UST: variants seen among roughly 807,000 people sequenced by gnomAD.
UST encodes the protein chondroitin sulfate 2-O-sulfotransferase.
Under a neutral mutation model 45.6 loss-of-function variants are expected in UST, and 21 were observed. The observed-to-expected ratio is 0.46, with a 90% CI of 0.33 to 0.66. UST has a LOEUF of 0.66. Ranked by LOEUF, UST falls within the 30% of genes least tolerant of loss-of-function variation. The pLI is 0.02. For missense variants in UST, 463 were observed against 512.4 expected (o/e 0.90, Z 0.93); for synonymous variants, 215 against 200.6 (o/e 1.07, Z -0.61).
chr6:148,913,956 A>C (rs903297972), intron 2 of UST, among the ~76,000 whole-genome samples: 11 of 152,166 alleles, frequency 7.2e-5, no homozygotes, highest in African/African-American at 2.7e-4. Context: ...CATATGTTGA[A>C]GTCTAATCCC....
At chr6:148,821,275 T>G (rs1777461295) in intron 1 of UST, among the ~76,000 whole-genome samples, 1 of 148,504 alleles carries the variant, frequency 6.7e-6, no homozygotes, top group South Asian at 2.1e-4. Flanking sequence ...CTGGCTGTAT[T>G]TTTTTTTTTA....
intron 1 of UST, among the ~76,000 whole-genome samples, chr6:148,831,391 G>A (rs1777684812): frequency 6.6e-6 from 1 of 152,294 alleles, no homozygotes; most frequent in South Asian, 2.1e-4. Context: ...ATTATTATAG[G>A]AAATTCGCCT....
chr6:148,928,741 A>G (rs192461531), intron 2 of UST, among the ~76,000 whole-genome samples: 1 of 152,358 alleles, frequency 6.6e-6, no homozygotes, highest in East Asian at 1.9e-4. Flanking sequence ...AGCCCCCAAC[A>G]TGTAGGCAGT....
rs147989152 is a variant in UST, at chr6:148,867,607, C to T, written c.248-19379C>T. On this transcript the variant is annotated intron_variant, in intron 1 of 7. Coordinates refer to ENST00000367463, the MANE Select transcript of UST (RefSeq NM_005715.3). ...TGTTCTCGTGGTAGTGAATAAGTCT[C>T]GTGAGATCTGATGGTTTGATAAGGG... Among the ~76,000 whole-genome samples, 881 of 152,178 alleles carry T rather than the reference C, an allele frequency of 5.8e-3. 6 individuals carry two copies. Among genetic ancestry groups the T allele is most frequent in the Non-Finnish European group, 9.8e-3 (667 of 68,010 alleles).
intron 1 of UST, among the ~76,000 whole-genome samples, chr6:148,776,953 G>T (rs1776546704): frequency 6.6e-6 from 1 of 152,180 alleles, no homozygotes; most frequent in African/African-American, 2.4e-5. Context: ...CCTTGGCCTT[G>T]TCCCTGCTCT....
intron 2 of UST, among the ~76,000 whole-genome samples, chr6:148,893,917 C>A (rs1779069723): frequency 6.6e-6 from 1 of 152,064 alleles, no homozygotes; most frequent in African/African-American, 2.4e-5. Context: ...CTTTTGGAGG[C>A]TGAGGTGGGA....
intron 5 of UST, among the ~76,000 whole-genome samples, chr6:148,970,445 T>C (rs968865102): frequency 3.9e-5 from 6 of 152,084 alleles, no homozygotes; most frequent in African/African-American, 1.4e-4. Flanking sequence ...CCAGAGAGGC[T>C]GAGTGGTGGT....
chr6:149,035,169 G>C (rs960328175), intron 7 of UST, among the ~76,000 whole-genome samples: 23 of 151,846 alleles, frequency 1.5e-4, no homozygotes, highest in Non-Finnish European at 2.5e-4. Context: ...TTTTTTCTCT[G>C]GAAGAGTTCC....
intron 7 of UST, among the ~76,000 whole-genome samples, chr6:149,069,084 T>A (rs894471282): frequency 6.6e-6 from 1 of 152,278 alleles, no homozygotes; most frequent in African/African-American, 2.4e-5. Flanking sequence ...CTTTCTTTTT[T>A]ATGGCCAAAT....
chr6:148,797,696 G>C (rs1020012694), intron 1 of UST, among the ~76,000 whole-genome samples: 2 of 152,172 alleles, frequency 1.3e-5, no homozygotes, highest in African/African-American at 4.8e-5. Context: ...GGTCTTCCCA[G>C]AGGAGGTGAT....
chr6:148,812,968 A>G (rs1188992773), intron 1 of UST, among the ~76,000 whole-genome samples: 1 of 152,208 alleles, frequency 6.6e-6, no homozygotes, highest in Non-Finnish European at 1.5e-5. Context: ...CTTTTAGCAT[A>G]TCCCCCAATG....
chr6:148,964,608 G>C, intron 5 of UST, 45 bp downstream of exon 5: 2 of 1,603,872 alleles, frequency 1.2e-6, no homozygotes, highest in Non-Finnish European at 1.7e-6. Context: ...ACTGCCTGAG[G>C]AGTGGGCCCT....
chr6:148,853,208 G>A (rs1167102980), intron 1 of UST, among the ~76,000 whole-genome samples: 1 of 152,094 alleles, frequency 6.6e-6, no homozygotes, highest in Non-Finnish European at 1.5e-5. Context: ...TGTGGTGTTT[G>A]GTTTTCTGTG....
chr6:148,771,077 G>T (rs1265560815), intron 1 of UST, among the ~76,000 whole-genome samples: 2 of 152,264 alleles, frequency 1.3e-5, no homozygotes, highest in Non-Finnish European at 2.9e-5. Context: ...CAAGCTGATG[G>T]TTTGTTTTTT....
chr6:148,988,632 ACTTT>A (rs1228783891), intron 5 of UST, among the ~76,000 whole-genome samples: 2 of 151,790 alleles, frequency 1.3e-5, no homozygotes, highest in South Asian at 2.1e-4. Flanking sequence ...ACCACAATTA[ACTTT>A]CTTTCTTGTG....
chr6:148,922,626 G>A (rs781288853), intron 2 of UST, among the ~76,000 whole-genome samples: 5 of 114,396 alleles, frequency 4.4e-5, no homozygotes, highest in Non-Finnish European at 8.9e-5. Flanking sequence ...GTACCTAGGA[G>A]TACCTAGGTA....
intron 1 of UST, among the ~76,000 whole-genome samples, chr6:148,783,891 C>T (rs1454329170): frequency 6.6e-6 from 1 of 152,186 alleles, no homozygotes; most frequent in East Asian, 1.9e-4. Context: ...TCCAACCCCG[C>T]ATTTTACAGG....
chr6:148,845,105 G>A (rs892002217), intron 1 of UST, among the ~76,000 whole-genome samples: 1 of 152,196 alleles, frequency 6.6e-6, no homozygotes, highest in Non-Finnish European at 1.5e-5. Flanking sequence ...AAGAGTGCAT[G>A]TGTCTTTTTT....
Position 148,904,627 on chromosome 6 carries a change from G to T in UST, c.291+17598G>T, listed in dbSNP as rs561102050. On this transcript the variant is annotated intron_variant, in intron 2 of 7. Coordinates refer to ENST00000367463, the MANE Select transcript of UST (RefSeq NM_005715.3). ...CAGCCTCCACCTACCAGGTTCAAGC[G>T]ATTCTCCTGCCTCAGCCTCCTGGGT... Among the ~76,000 whole-genome samples, 434 of 152,096 alleles carry T rather than the reference G, an allele frequency of 2.9e-3. 4 individuals carry two copies. The highest frequency in any genetic ancestry group is 9.7e-3 in the African/African-American group (403 of 41,492).
Sources: allele counts gnomAD v4.1 joint callset (sites outside exome capture counted in the v4.1 genomes callset), GRCh38; gene constraint gnomAD v4.1.1; transcripts MANE v1.5; gene names NCBI Gene and HGNC (gene_info 2026-07-23, HGNC 2026-07-21).